MTCL1: variants seen among roughly 807,000 people sequenced by gnomAD.
MTCL1 encodes the protein microtubule crosslinking factor 1.
Under a neutral mutation model 141.4 loss-of-function variants are expected in MTCL1, and 79 were observed. That is an observed-to-expected ratio of 0.56 (90% CI 0.47 to 0.67). MTCL1 has a LOEUF of 0.67. MTCL1 is among the 30% of genes least tolerant of loss of function. The pLI is 0.00. For synonymous variants in MTCL1, 914 were observed against 875.8 expected (o/e 1.04, Z -0.77); for missense variants, 2,177 against 2,113.9 (o/e 1.03, Z -0.59).
intron 5 of MTCL1, among the ~76,000 whole-genome samples, chr18:8,778,987 C>T (rs2096523256): frequency 6.6e-6 from 1 of 152,174 alleles, no homozygotes; most frequent in Non-Finnish European, 1.5e-5. Context: ...TGCGTTGAGC[C>T]GCCCACCCAG....
At chr18:8,824,806 C>T in exon 15 of MTCL1, 1 of 1,614,184 alleles carries the variant, frequency 6.2e-7, no homozygotes, top group Non-Finnish European at 8.5e-7. Context: ...GATGTCACCC[C>T]ACCCCTGTCT....
chr18:8,712,335 A>G (rs2096098111), intron 1 of MTCL1, among the ~76,000 whole-genome samples: 1 of 152,190 alleles, frequency 6.6e-6, no homozygotes, highest in Non-Finnish European at 1.5e-5. Context: ...TGCTGATCCA[A>G]GCTTACCATC....
intron 4 of MTCL1, among the ~76,000 whole-genome samples, chr18:8,769,319 A>G (rs2149041786): frequency 6.6e-6 from 1 of 152,216 alleles, no homozygotes; most frequent in Non-Finnish European, 1.5e-5. Context: ...GGGGAAGGAT[A>G]CTTTGTTTTT....
chr18:8,731,380 C>G (rs540128940), intron 4 of MTCL1, among the ~76,000 whole-genome samples: 1 of 152,038 alleles, frequency 6.6e-6, no homozygotes, highest in South Asian at 2.1e-4. Flanking sequence ...TCAAGACCAG[C>G]CTAGCCAACA....
At position 8,822,603 on chromosome 18, in the gene MTCL1, G is replaced by A. The variant is rs1296943500; in HGVS notation, c.3188+1105G>A. Among the ~76,000 whole-genome samples the A allele has an allele frequency of 6.6e-6, 1 of 152,178 alleles. No individual in the cohort carries two copies. Among genetic ancestry groups the A allele is most frequent in the African/African-American group, 2.4e-5 (1 of 41,434 alleles). The stretch of plus-strand genomic sequence containing the variant: ...ACTGTGCCCAGCCCAAACTGCCTGG[G>A]TTTGAATCGCTTCTGCCTCCTTGGG... On this transcript the variant is annotated intron_variant, in intron 14 of 16. Coordinates refer to ENST00000359865, the Ensembl canonical transcript of MTCL1. This position sits in a 1 kb window ranked among gnomAD's most constrained non-coding sequence, Gnocchi z 4.6.
upstream of MTCL1, among the ~76,000 whole-genome samples, chr18:8,716,432 G>A (rs2096128533): frequency 1.3e-5 from 2 of 152,124 alleles, no homozygotes; most frequent in Non-Finnish European, 2.9e-5. Context: ...TGCAGGTAAG[G>A]TTGACCGAAG....
At position 8,826,250 on chromosome 18, in the gene MTCL1, C is replaced by G. The variant is rs759124589; in HGVS notation, c.4722+18C>G. ...CCATGGAGGTAATGAATGCTGAGTGCCCCACACCCTTCCCCACCAGCTCTT... is the reference window on the plus strand; with the variant it reads ...CCATGGAGGTAATGAATGCTGAGTGGCCCACACCCTTCCCCACCAGCTCTT... On this transcript the variant is annotated intron_variant, in intron 15 of 16. Coordinates refer to ENST00000359865, the Ensembl canonical transcript of MTCL1. 6.5e-7 allele frequency: 1 copy of G among 1,544,280 alleles called. No individual in the cohort carries two copies. Among genetic ancestry groups the G allele is most frequent in the Non-Finnish European group, 8.7e-7 (1 of 1,142,964 alleles).
rs775159953 is a variant in MTCL1 at position 8,819,066 on chromosome 18, G to A, written c.2963G>A (p.Arg988His). The change falls in exon 13 of 17, where the codon CGT becomes CAT. Residue 988 changes from arginine (R) to histidine (H), a missense_variant. Physicochemically the swap from Arg to His is conservative, Grantham distance 29. Transcript: ENST00000359865. ...CACCAGGGAAGCCTCCGCATGCCCC[G>A]TCCAGTGGCCATGTGGCCTTGTGCA... The A allele has an allele frequency of 1.7e-4, 270 of 1,614,120 alleles. No individual in the cohort carries two copies. The highest frequency in any genetic ancestry group is 2.1e-4 in the Non-Finnish European group (250 of 1,180,052).
chr18:8,742,172 G>T (rs1434830733), intron 4 of MTCL1, among the ~76,000 whole-genome samples: 3 of 152,124 alleles, frequency 2.0e-5, no homozygotes, highest in Non-Finnish European at 4.4e-5. Flanking sequence ...ACCTGGTTAA[G>T]AATTTTTGTT....
intron 7 of MTCL1, among the ~76,000 whole-genome samples, chr18:8,788,333 C>T (rs985166618): frequency 2.0e-5 from 3 of 152,288 alleles, no homozygotes; most frequent in Non-Finnish European, 4.4e-5. Flanking sequence ...CCCTTTAGCT[C>T]TCTGCCCGTA....
intron 4 of MTCL1, among the ~76,000 whole-genome samples, chr18:8,752,407 G>A (rs1415053178): frequency 1.3e-5 from 2 of 152,076 alleles, no homozygotes; most frequent in African/African-American, 4.8e-5. Flanking sequence ...CTTTTAAATC[G>A]AATTTTTTTT....
intron 10 of MTCL1, among the ~76,000 whole-genome samples, chr18:8,806,234 A>G (rs1359851409): frequency 6.6e-6 from 1 of 152,116 alleles, no homozygotes; most frequent in Non-Finnish European, 1.5e-5. Context: ...TTAATTATTA[A>G]ACATCAAAAT....
At chr18:8,829,877 C>T (rs1034309924) in intron 16 of MTCL1, 38 of 985,102 alleles carry the variant, frequency 3.9e-5, no homozygotes, top group Non-Finnish European at 4.3e-5. Context: ...AGGTTGATTC[C>T]CTTGAATGCA....
intron 11 of MTCL1, chr18:8,809,825 G>A: frequency 1.9e-6 from 1 of 519,314 alleles, no homozygotes; most frequent in Non-Finnish European, 3.4e-6. Flanking sequence ...GTCATCACAG[G>A]CACTGGGACT....
intron 5 of MTCL1, among the ~76,000 whole-genome samples, chr18:8,778,409 G>A (rs952469000): frequency 6.6e-6 from 1 of 152,220 alleles, no homozygotes. Flanking sequence ...CTGTAAAGCT[G>A]TTTTACTGGA....
chr18:8,731,174 G>T (rs1325278374), intron 4 of MTCL1, among the ~76,000 whole-genome samples: 1 of 152,184 alleles, frequency 6.6e-6, no homozygotes. Flanking sequence ...GAACCCGGGA[G>T]TCAGAGCTTG....
chr18:8,790,342 A>G (rs771901318), intron 7 of MTCL1, among the ~76,000 whole-genome samples: 3 of 152,260 alleles, frequency 2.0e-5, no homozygotes, highest in African/African-American at 7.2e-5. Context: ...TTCTTAAACA[A>G]TAAGCTTGAT....
chr18:8,806,267 C>T (rs1024563124), intron 10 of MTCL1, among the ~76,000 whole-genome samples: 11 of 152,224 alleles, frequency 7.2e-5, no homozygotes, highest in African/African-American at 2.7e-4. Flanking sequence ...AACCCACCCA[C>T]ACACAGTGGC....
At chr18:8,798,615 G>C (rs185963437) in intron 10 of MTCL1, among the ~76,000 whole-genome samples, 2 of 152,116 alleles carry the variant, frequency 1.3e-5, no homozygotes, top group Admixed American at 1.3e-4. Flanking sequence ...AACATCATTC[G>C]TTTGGCAGCA....
Sources: gnomAD v4.1 joint callset for allele counts (sites outside exome capture counted in the v4.1 genomes callset) on GRCh38, gnomAD v4.1.1 for gene constraint, Gnocchi (gnomAD v3.1) non-coding constraint, MANE v1.5 for transcripts, NCBI Gene and HGNC (gene_info 2026-07-23, HGNC 2026-07-21) for gene names.